Variants in TRPM3 observed in about 807,000 individuals in gnomAD.
The protein encoded by TRPM3 is long transient receptor potential channel 3.
A neutral mutation model predicts 181.2 loss-of-function variants in TRPM3; 77 were observed. That is an observed-to-expected ratio of 0.42 (90% confidence interval 0.35 to 0.51). The LOEUF is 0.51. Among genes scored for constraint, TRPM3 ranks in the 20% least tolerant of loss-of-function variants. The pLI is 0.01. For synonymous variants in TRPM3, 745 were observed against 796.4 expected (o/e 0.94, Z 1.09); for missense variants, 1,759 against 2,196.7 (o/e 0.80, Z 3.98).
intron 6 of TRPM3, among the ~76,000 whole-genome samples, chr9:70,803,013 A>G (rs1429754129): frequency 1.4e-5 from 2 of 141,002 alleles, no homozygotes; most frequent in African/African-American, 5.2e-5. Flanking sequence ...AGAAAACAGA[A>G]CTTGCCTGGA....
At chr9:71,143,764 C>A (rs1408349609) in intron 1 of TRPM3, among the ~76,000 whole-genome samples, 1 of 152,142 alleles carries the variant, frequency 6.6e-6, no homozygotes, top group Non-Finnish European at 1.5e-5. Flanking sequence ...GGAATTGCCA[C>A]ACTGTCTTCC....
At chr9:70,963,697 C>T (rs2097159558) in intron 1 of TRPM3, among the ~76,000 whole-genome samples, 1 of 152,012 alleles carries the variant, frequency 6.6e-6, no homozygotes, top group Admixed American at 6.6e-5. Context: ...CTGGAAACCT[C>T]CAGAAGAGTA....
chr9:70,654,365 C>T lies in TRPM3; in HGVS notation c.1346-13705G>A, dbSNP rs527930228. On this transcript the variant is annotated intron_variant, in intron 9 of 25. Coordinates refer to ENST00000677713, the MANE Select transcript of TRPM3 (RefSeq NM_001366145.2). ...GTTGACCTCCCATAATGTGCAGTGG[C>T]CCTTATAGGGAAATCCCCAACAAAA... Among the ~76,000 whole-genome samples, 4 of 152,062 alleles carry T rather than the reference C, an allele frequency of 2.6e-5. No homozygotes were observed. In the South Asian group the frequency reaches 8.3e-4, roughly 32 times the overall value.
At chr9:70,958,998 C>A (rs2097108695) in intron 1 of TRPM3, among the ~76,000 whole-genome samples, 1 of 114,912 alleles carries the variant, frequency 8.7e-6, no homozygotes, top group East Asian at 2.3e-4. Context: ...ACTCTGGGGA[C>A]TGTTGTGGGG....
intron 1 of TRPM3, among the ~76,000 whole-genome samples, chr9:71,273,875 T>C (rs1466000588): frequency 6.6e-6 from 1 of 152,238 alleles, no homozygotes; most frequent in Non-Finnish European, 1.5e-5. Flanking sequence ...CTCTCAGTTA[T>C]ATTCTGCACA....
chr9:71,117,369 G>A (rs1345975840), intron 1 of TRPM3, among the ~76,000 whole-genome samples: 3 of 152,154 alleles, frequency 2.0e-5, no homozygotes, highest in East Asian at 3.8e-4. Context: ...TTAGGTGGGT[G>A]AAAATGTAAT....
chr9:70,585,391 T>C (rs753143182), intron 22 of TRPM3, among the ~76,000 whole-genome samples: 3 of 152,174 alleles, frequency 2.0e-5, no homozygotes, highest in Non-Finnish European at 2.9e-5. Flanking sequence ...ATCACGGTGG[T>C]TGATCCCTAA....
chr9:70,958,989 CTCTGGGGACTGT>C (rs2097108535), intron 1 of TRPM3, among the ~76,000 whole-genome samples: 1 of 136,146 alleles, frequency 7.3e-6, no homozygotes, highest in Non-Finnish European at 1.5e-5. Context: ...GAACATCACA[CTCTGGGGACTGT>C]TGTGGGGTCG....
chr9:70,840,445 A>T (rs2094565357), intron 5 of TRPM3, among the ~76,000 whole-genome samples: 1 of 152,116 alleles, frequency 6.6e-6, no homozygotes, highest in Admixed American at 6.6e-5. Flanking sequence ...TGCCTTTACG[A>T]GACCCTCGGG....
rs190771279 is a variant in TRPM3, at chr9:71,065,271, C to T, written c.177+55907G>A. Among the ~76,000 whole-genome samples, 229 of 152,230 alleles carry T rather than the reference C, an allele frequency of 1.5e-3. 6 individuals are homozygous for T. The highest frequency in any genetic ancestry group is 0.013 in the Admixed American group (192 of 15,274). On this transcript the variant is annotated intron_variant, in intron 1 of 25. Coordinates refer to ENST00000677713, the MANE Select transcript of TRPM3 (RefSeq NM_001366145.2). ...ACTGTCAAGTAAAGATGAATTTTCACGCTAAGTTATTAAAAATGCCACTAA... is the reference window on the plus strand; with the variant it reads ...ACTGTCAAGTAAAGATGAATTTTCATGCTAAGTTATTAAAAATGCCACTAA...
chr9:71,335,149 TTAA>T (rs762178606), intron 1 of TRPM3, among the ~76,000 whole-genome samples: 14 of 152,134 alleles, frequency 9.2e-5, no homozygotes, highest in Non-Finnish European at 1.5e-5. Context: ...TGAAAGTATG[TTAA>T]TAAGTTTGCA....
chr9:71,057,719 C>T (rs2060826142), intron 1 of TRPM3, among the ~76,000 whole-genome samples: 1 of 152,016 alleles, frequency 6.6e-6, no homozygotes, highest in Non-Finnish European at 1.5e-5. Flanking sequence ...TGATAAAGTA[C>T]ATCATTTTCC....
At chr9:70,655,869 A>G (rs2060267193) in intron 9 of TRPM3, among the ~76,000 whole-genome samples, 1 of 152,180 alleles carries the variant, frequency 6.6e-6, no homozygotes, top group Admixed American at 6.5e-5. Flanking sequence ...GTAGGAAAAA[A>G]AGCTCTTTTT....
At chr9:71,215,033 C>CAAAAAAAAAAAAAAA (rs67349189) in intron 1 of TRPM3, among the ~76,000 whole-genome samples, 1 of 105,822 alleles carries the variant, frequency 9.4e-6, no homozygotes, top group Non-Finnish European at 1.9e-5. Flanking sequence ...CACCAAAAAA[C>CAAAAAAAAAAAAAAA]AAAAAAAAAA....
chr9:70,819,023 A>G (rs895500743), intron 6 of TRPM3, among the ~76,000 whole-genome samples: 2 of 152,214 alleles, frequency 1.3e-5, no homozygotes, highest in African/African-American at 4.8e-5. Context: ...ACACTTGTAT[A>G]GGCTACCTTA....
rs548166937 is a variant in TRPM3 at position 71,188,683 on chromosome 9, C to G, written c.183+257970G>C. Among the ~76,000 whole-genome samples the G allele has an allele frequency of 2.6e-5, 4 of 151,958 alleles. No individual in the cohort carries two copies. In the South Asian group the frequency reaches 6.2e-4, roughly 24 times the overall value. Reference sequence around the variant, plus strand: ...AGGCAGACCTCTCAGCACTGCCCTTCCAGACACTCAAGTCTACCATGATCC... The same window carrying G: ...AGGCAGACCTCTCAGCACTGCCCTTGCAGACACTCAAGTCTACCATGATCC... On this transcript the variant is annotated intron_variant, in intron 1 of 24. Coordinates refer to the TRPM3 transcript ENST00000357533.
intron 5 of TRPM3, among the ~76,000 whole-genome samples, chr9:70,830,674 T>C (rs2093833390): frequency 6.6e-6 from 1 of 152,234 alleles, no homozygotes; most frequent in Admixed American, 6.5e-5. Context: ...GTGGAATAAT[T>C]CTGAACATAT....
At chr9:70,981,478 G>A (rs2097362984) in intron 1 of TRPM3, among the ~76,000 whole-genome samples, 1 of 152,130 alleles carries the variant, frequency 6.6e-6, no homozygotes, top group African/African-American at 2.4e-5. Flanking sequence ...GGAGACATTT[G>A]CAGAATGAAT....
chr9:71,073,124 C>T (rs933259022), intron 1 of TRPM3, among the ~76,000 whole-genome samples: 43 of 152,100 alleles, frequency 2.8e-4, no homozygotes, highest in Admixed American at 7.9e-4. Context: ...TAGTAACTGT[C>T]GTAGTGATGG....
Sources: gnomAD v4.1 joint callset for allele counts (sites outside exome capture counted in the v4.1 genomes callset) on GRCh38, gnomAD v4.1.1 for gene constraint, MANE v1.5 for transcripts, NCBI Gene and HGNC (gene_info 2026-07-23, HGNC 2026-07-21) for gene names.